Variants in SEMA3D observed in about 807,000 individuals in gnomAD.
SEMA3D encodes the protein semaphorin 3D.
SEMA3D carries 84 observed loss-of-function variants against 100.1 expected under a neutral mutation model. That is an observed-to-expected ratio of 0.84 (90% CI 0.70 to 1.01). The LOEUF (loss-of-function observed/expected upper bound fraction) is 1.01. Ranked by LOEUF, SEMA3D falls within the 50% of genes least tolerant of loss-of-function variation. SEMA3D has a pLI of 0.00. For missense variants in SEMA3D, 875 were observed against 934.1 expected (o/e 0.94, Z 0.82); for synonymous variants, 312 against 320.7 (o/e 0.97, Z 0.29).
intron 17 of SEMA3D, among the ~76,000 whole-genome samples, chr7:85,007,968 A>C (rs2115754650): frequency 6.6e-6 from 1 of 151,996 alleles, no homozygotes. Flanking sequence ...GATTAAGTCA[A>C]GCATGCTGAC....
the SEMA3D span, among the ~76,000 whole-genome samples, chr7:85,192,482 A>C: frequency 1.3e-5 from 2 of 152,056 alleles, no homozygotes; most frequent in Admixed American, 6.5e-5. Flanking sequence ...GGGCACTTCT[A>C]ATCTTCACCC....
At chr7:85,146,638 T>C (rs2116476629) in intron 2 of SEMA3D, among the ~76,000 whole-genome samples, 1 of 152,070 alleles carries the variant, frequency 6.6e-6, no homozygotes, top group South Asian at 2.1e-4. Context: ...ATAAGTCATA[T>C]TTTCGAAAGA....
chr7:85,095,463 A>G lies in SEMA3D; in HGVS notation c.312+2342T>C, dbSNP rs190706527. Among the ~76,000 whole-genome samples the G allele has an allele frequency of 1.1e-3, 163 of 152,060 alleles. No homozygotes were observed. The East Asian group carries it at 0.028, about 26-fold the overall frequency. On this transcript the variant is annotated intron_variant, in intron 4 of 18. Transcript: ENST00000284136. ...CACTGATAACTCAATTATATGTTGT[A>G]GATTGCTTTAACCCTAAAGAGTACA...
At chr7:85,199,956 C>T in the SEMA3D span, among the ~76,000 whole-genome samples, 9 of 152,252 alleles carry the variant, frequency 5.9e-5, no homozygotes, top group Admixed American at 3.9e-4. Flanking sequence ...AGAAGTTCCC[C>T]TGCACAAACT....
intron 8 of SEMA3D, among the ~76,000 whole-genome samples, chr7:85,057,407 A>G (rs904282483): frequency 1.3e-5 from 2 of 152,326 alleles, no homozygotes; most frequent in South Asian, 4.1e-4. Flanking sequence ...GGAAAGAAGA[A>G]CAGAGCACTG....
intron 2 of SEMA3D, among the ~76,000 whole-genome samples, chr7:85,151,403 A>G (rs1392934408): frequency 6.6e-6 from 1 of 152,096 alleles, no homozygotes; most frequent in Admixed American, 6.6e-5. Context: ...ACCCCAAATT[A>G]AAACAAAGCA....
chr7:85,139,512 T>A (rs1789980771), intron 2 of SEMA3D, among the ~76,000 whole-genome samples: 2 of 152,080 alleles, frequency 1.3e-5, no homozygotes, highest in Non-Finnish European at 2.9e-5. Context: ...GTAATAATAT[T>A]TCTGTCTTTT....
At chr7:85,000,401 C>A (rs372927235) in intron 18 of SEMA3D, among the ~76,000 whole-genome samples, 1 of 152,114 alleles carries the variant, frequency 6.6e-6, no homozygotes, top group Non-Finnish European at 1.5e-5. Context: ...TCACCAAATA[C>A]GTTCTGTGAG....
intron 18 of SEMA3D, among the ~76,000 whole-genome samples, chr7:85,002,829 T>C (rs562101861): frequency 6.6e-6 from 1 of 152,228 alleles, no homozygotes; most frequent in South Asian, 2.1e-4. Context: ...AAGAGTAACA[T>C]GGAAGGGACA....
chr7:85,164,120 TTACAG>T (rs1790825764), intron 1 of SEMA3D, among the ~76,000 whole-genome samples: 4 of 152,138 alleles, frequency 2.6e-5, no homozygotes, highest in South Asian at 2.1e-4. Flanking sequence ...GCTTCAGGTC[TTACAG>T]TCAGTCAGTA....
intron 8 of SEMA3D, among the ~76,000 whole-genome samples, chr7:85,058,841 T>C (rs1161000786): frequency 1.4e-5 from 2 of 145,416 alleles, no homozygotes; most frequent in Non-Finnish European, 3.0e-5. Context: ...AACAGAGAAA[T>C]AATGTATTTC....
Position 85,062,845 on chromosome 7 carries a change from A to C in SEMA3D, c.718+2579T>G, listed in dbSNP as rs905625120. Among the ~76,000 whole-genome samples the C allele has an allele frequency of 2.0e-5, 3 of 152,194 alleles. No homozygotes were observed. In the South Asian group the frequency reaches 6.2e-4, roughly 31 times the overall value. ...GAAATACAATTTTAGGAAACACTGGAACACAGGAAACAGTTGAAACTATTC... is the reference window on the plus strand; with the variant it reads ...GAAATACAATTTTAGGAAACACTGGCACACAGGAAACAGTTGAAACTATTC... On this transcript the variant is annotated intron_variant, in intron 8 of 18. Coordinates refer to ENST00000284136, the MANE Select transcript of SEMA3D (RefSeq NM_001384900.1).
chr7:85,195,903 C>T, the SEMA3D span, among the ~76,000 whole-genome samples: 4 of 152,100 alleles, frequency 2.6e-5, no homozygotes, highest in Non-Finnish European at 5.9e-5. Flanking sequence ...TATTCAATTC[C>T]TTCGTCTTCC....
chr7:85,207,559 G>A, the SEMA3D span, among the ~76,000 whole-genome samples: 23 of 152,096 alleles, frequency 1.5e-4, no homozygotes, highest in Admixed American at 1.4e-3. Context: ...AACAAAAGGT[G>A]TATTAAAGGA....
chr7:85,099,389 G>C (rs969200187), intron 3 of SEMA3D, among the ~76,000 whole-genome samples: 7 of 151,946 alleles, frequency 4.6e-5, no homozygotes, highest in African/African-American at 1.7e-4. Flanking sequence ...TGTAAGACAG[G>C]ACTTTTGCCC....
At chr7:85,210,563 T>C in the SEMA3D span, among the ~76,000 whole-genome samples, 1 of 151,986 alleles carries the variant, frequency 6.6e-6, no homozygotes, top group Non-Finnish European at 1.5e-5. Context: ...TATCAAAGTC[T>C]ATACTTTGTC....
intron 12 of SEMA3D, among the ~76,000 whole-genome samples, chr7:85,026,361 G>A (rs556607973): frequency 6.6e-6 from 1 of 151,982 alleles, no homozygotes; most frequent in Non-Finnish European, 1.5e-5. Context: ...ATATGATAGA[G>A]AGACATGAGT....
intron 2 of SEMA3D, chr7:85,151,563 G>T (rs1298639430): frequency 2.3e-6 from 2 of 859,554 alleles, no homozygotes; most frequent in Middle Eastern, 1.2e-3. Flanking sequence ...TTAAAATAGA[G>T]CACCGTAGTT....
At chr7:85,246,040 T>A in the SEMA3D span, among the ~76,000 whole-genome samples, 1 of 152,114 alleles carries the variant, frequency 6.6e-6, no homozygotes, top group East Asian at 1.9e-4. Flanking sequence ...TTTGAGTAGA[T>A]GTTAATGAAT....
Sources: allele counts gnomAD v4.1 joint callset (sites outside exome capture counted in the v4.1 genomes callset), GRCh38; gene constraint gnomAD v4.1.1; transcripts MANE v1.5; gene names NCBI Gene and HGNC (gene_info 2026-07-23, HGNC 2026-07-21).